The following MVB12B variants were observed in gnomAD, a reference collection of about 807,000 sequenced individuals.
MVB12B encodes ESCRT-I complex subunit MVB12B.
MVB12B carries 16 observed loss-of-function variants against 41.6 expected under a neutral mutation model. The observed-to-expected ratio is 0.38, with a 90% CI of 0.26 to 0.58. The LOEUF is 0.58. Ranked by LOEUF, MVB12B falls within the 20% of genes least tolerant of loss-of-function variation. MVB12B has a pLI of 0.62. For synonymous variants in MVB12B, 133 were observed against 139.7 expected, an observed-to-expected ratio of 0.95 and a Z score of 0.34; for missense variants, 274 against 380.2, an observed-to-expected ratio of 0.72 and a Z score of 2.32.
intron 2 of MVB12B, among the ~76,000 whole-genome samples, chr9:126,370,673 C>T (rs939432053): frequency 1.3e-5 from 2 of 152,058 alleles, no homozygotes; most frequent in African/African-American, 2.4e-5. Context: ...TGAGTCACCG[C>T]GCCTGGCCTG....
At chr9:126,494,864 CCCCA>C in intron 9 of MVB12B, among the ~76,000 whole-genome samples, 2 of 147,444 alleles carry the variant, frequency 1.4e-5, no homozygotes, top group Non-Finnish European at 3.0e-5. Context: ...CCAGGGAGCA[CCCCA>C]CCCCCCCCCA....
intron 9 of MVB12B, among the ~76,000 whole-genome samples, chr9:126,498,552 T>C (rs2119236777): frequency 6.6e-6 from 1 of 152,344 alleles, no homozygotes; most frequent in African/African-American, 2.4e-5. Flanking sequence ...GCCCCCATGC[T>C]GGAGTTGCAC....
chr9:126,400,424 C>A (rs1001357565), intron 6 of MVB12B, among the ~76,000 whole-genome samples: 2 of 152,110 alleles, frequency 1.3e-5, no homozygotes, highest in African/African-American at 4.8e-5. Context: ...CTCCCAGATG[C>A]TAGGGGTGGT....
At chr9:126,415,272 A>G (rs1831781480) in intron 6 of MVB12B, among the ~76,000 whole-genome samples, 1 of 152,168 alleles carries the variant, frequency 6.6e-6, no homozygotes, top group African/African-American at 2.4e-5. Flanking sequence ...GCCAAAGAGT[A>G]TTGGGTTAAC....
At chr9:126,437,960 AAC>A (rs1161658622) in intron 7 of MVB12B, among the ~76,000 whole-genome samples, 2 of 152,228 alleles carry the variant, frequency 1.3e-5, no homozygotes, top group East Asian at 3.8e-4. Context: ...TACATTGACC[AAC>A]ACAGTTATTC....
intron 6 of MVB12B, among the ~76,000 whole-genome samples, chr9:126,401,990 C>T (rs1449020167): frequency 6.6e-6 from 1 of 152,226 alleles, no homozygotes; most frequent in Admixed American, 6.5e-5. Context: ...ACGAAAGGCC[C>T]AGAATCCCAC....
At chr9:126,372,953 G>A (rs1361503921) in intron 2 of MVB12B, among the ~76,000 whole-genome samples, 4 of 152,176 alleles carry the variant, frequency 2.6e-5, no homozygotes. Context: ...ACCTGTCTGA[G>A]AAGGAGAACT....
chr9:126,496,220 CCCACCCATCCAT>C (rs1165591529), intron 9 of MVB12B, among the ~76,000 whole-genome samples: 33 of 136,036 alleles, frequency 2.4e-4, no homozygotes, highest in Non-Finnish European at 5.1e-4. Flanking sequence ...CGTCCATCCA[CCCACCCATCCAT>C]ACACCCACTT....
chr9:126,437,304 C>G (rs559653050), intron 7 of MVB12B, among the ~76,000 whole-genome samples: 1 of 152,154 alleles, frequency 6.6e-6, no homozygotes, highest in Non-Finnish European at 1.5e-5. Flanking sequence ...GACAGATTTT[C>G]TTTTGAAAAC....
intron 2 of MVB12B, among the ~76,000 whole-genome samples, chr9:126,354,123 C>T (rs997927109): frequency 2.0e-5 from 3 of 152,172 alleles, no homozygotes; most frequent in Non-Finnish European, 4.4e-5. Context: ...TGGCCTTTTG[C>T]ATTTGACTGT....
At chr9:126,390,567 C>T (rs181107354) in intron 4 of MVB12B, among the ~76,000 whole-genome samples, 37 of 152,346 alleles carry the variant, frequency 2.4e-4, no homozygotes, top group African/African-American at 8.7e-4. Context: ...AAAAGAATCA[C>T]GTGCTTATCC....
At chr9:126,422,060 T>G in intron 7 of MVB12B, 112 bp downstream of exon 7, 7 of 773,292 alleles carry the variant, frequency 9.1e-6, no homozygotes, top group East Asian at 2.6e-5. Flanking sequence ...CTCTCTTTTC[T>G]TCCCTGCAGG....
Position 126,473,634 on chromosome 9 carries a change from C to T in MVB12B, c.758-7735C>T, listed in dbSNP as rs924112555. 3.9e-5 allele frequency among the ~76,000 whole-genome samples: 6 copies of T among 152,172 alleles called. No individual in the cohort carries two copies. Among genetic ancestry groups the T allele is most frequent in the African/African-American group, 1.2e-4 (5 of 41,438 alleles). On this transcript the variant is annotated intron_variant, in intron 7 of 9. Coordinates refer to ENST00000361171, the MANE Select transcript of MVB12B (RefSeq NM_033446.3). This position sits in a 1 kb window ranked among gnomAD's most constrained non-coding sequence, Gnocchi z 4.0. ...AAGCCAAAGAGCGGAAGGTGCCACA[C>T]GCCTTTAAACAACCAGATCTCGCGA... is the stretch of plus-strand genomic sequence containing the variant.
intron 7 of MVB12B, among the ~76,000 whole-genome samples, chr9:126,450,130 C>T (rs973508294): frequency 2.0e-5 from 3 of 152,260 alleles, no homozygotes; most frequent in South Asian, 2.1e-4. Flanking sequence ...AGTCTGGTCT[C>T]GCCTATGCCC....
chr9:126,356,465 A>G lies in MVB12B; in HGVS notation c.204+15835A>G, dbSNP rs1829883234. On this transcript the variant is annotated intron_variant, in intron 2 of 9. Coordinates refer to ENST00000361171, the MANE Select transcript of MVB12B (RefSeq NM_033446.3). ...TTTGATAGCTTTATAATTGACATAC[A>G]ATAGACTGCATATATTTAGAGTGTA... Among the ~76,000 whole-genome samples, 3 of 152,270 alleles carry G rather than the reference A, an allele frequency of 2.0e-5. No individual in the cohort carries two copies. The South Asian group carries it at 6.2e-4, about 32-fold the overall frequency.
At chr9:126,404,041 C>T (rs1831346611) in intron 6 of MVB12B, among the ~76,000 whole-genome samples, 1 of 147,756 alleles carries the variant, frequency 6.8e-6, no homozygotes, top group Non-Finnish European at 1.5e-5. Flanking sequence ...GCAACCTCTG[C>T]CTCCTGGGTT....
intron 7 of MVB12B, among the ~76,000 whole-genome samples, chr9:126,454,690 C>T (rs1832945221): frequency 6.6e-6 from 1 of 152,188 alleles, no homozygotes; most frequent in South Asian, 2.1e-4. Context: ...GAATGTTTTC[C>T]TCTTCTTTTT....
At chr9:126,496,044 C>T (rs1833821147) in intron 9 of MVB12B, among the ~76,000 whole-genome samples, 1 of 152,110 alleles carries the variant, frequency 6.6e-6, no homozygotes, top group Non-Finnish European at 1.5e-5. Flanking sequence ...TGTGCAGGCA[C>T]AGTGCTGCTG....
At chr9:126,435,658 CAAA>C (rs34798291) in intron 7 of MVB12B, among the ~76,000 whole-genome samples, 6 of 125,062 alleles carry the variant, frequency 4.8e-5, no homozygotes, top group Admixed American at 8.1e-5. Flanking sequence ...TTATTTTAGC[CAAA>C]AAAAAAAAAA....
Sources: allele counts gnomAD v4.1 joint callset (sites outside exome capture counted in the v4.1 genomes callset), GRCh38; gene constraint gnomAD v4.1.1; non-coding constraint Gnocchi (gnomAD v3.1); transcripts MANE v1.5; gene names NCBI Gene and HGNC (gene_info 2026-07-23, HGNC 2026-07-21).